SSBP2: variants seen among roughly 807,000 people sequenced by gnomAD.
SSBP2 encodes single stranded DNA binding protein 2.
In SSBP2, 17 loss-of-function variants were observed where a neutral mutation model predicts 61.8. That is an observed-to-expected ratio of 0.28 (90% CI 0.19 to 0.41). The LOEUF is 0.41. Among genes scored for constraint, SSBP2 ranks in the 10% least tolerant of loss-of-function variants. The pLI is 1.00. For synonymous variants in SSBP2, 139 were observed against 141.3 expected (o/e 0.98, Z 0.12); for missense variants, 310 against 458.7 (o/e 0.68, Z 2.96).
At chr5:81,546,561 T>C (rs1580985358) in intron 4 of SSBP2, among the ~76,000 whole-genome samples, 1 of 152,100 alleles carries the variant, frequency 6.6e-6, no homozygotes, top group Admixed American at 6.5e-5. Context: ...AAGGCTTGAG[T>C]TACTCTTACA....
At chr5:81,448,958 T>G (rs1006980682) in intron 10 of SSBP2, 133 bp from the exon 11 acceptor site, 3 of 674,910 alleles carry the variant, frequency 4.4e-6, no homozygotes, top group Non-Finnish European at 7.5e-6. Flanking sequence ...ATAAAAAAAT[T>G]TGTATCTGTT....
intron 1 of SSBP2, among the ~76,000 whole-genome samples, chr5:81,671,665 G>A (rs1195552389): frequency 6.6e-6 from 1 of 151,804 alleles, no homozygotes; most frequent in African/African-American, 2.4e-5. Context: ...CAGCACTTAA[G>A]AAAAAAACAA....
At chr5:81,464,323 A>G (rs970250085) in intron 9 of SSBP2, among the ~76,000 whole-genome samples, 2 of 152,208 alleles carry the variant, frequency 1.3e-5, no homozygotes, top group Admixed American at 6.5e-5. Flanking sequence ...TCCTTTAAAC[A>G]GTAATCTACA....
chr5:81,499,920 C>G (rs1014129166), intron 5 of SSBP2, among the ~76,000 whole-genome samples: 1 of 152,078 alleles, frequency 6.6e-6, no homozygotes, highest in Non-Finnish European at 1.5e-5. Context: ...AAAAGCATAG[C>G]GTTTTGTTCT....
chr5:81,527,559 G>T (rs1770044542), intron 4 of SSBP2, among the ~76,000 whole-genome samples: 1 of 152,008 alleles, frequency 6.6e-6, no homozygotes, highest in African/African-American at 2.4e-5. Context: ...TCTAGAATAT[G>T]TAAAACATTC....
intron 1 of SSBP2, among the ~76,000 whole-genome samples, chr5:81,679,046 G>A (rs1752197996): frequency 6.6e-6 from 1 of 152,142 alleles, no homozygotes; most frequent in Non-Finnish European, 1.5e-5. Context: ...GTCTCACTCT[G>A]TCGCCCAGGC....
intron 4 of SSBP2, among the ~76,000 whole-genome samples, chr5:81,593,140 C>G (rs1331985344): frequency 6.6e-6 from 1 of 152,056 alleles, no homozygotes; most frequent in Admixed American, 6.5e-5. Context: ...GCAGAGAAGT[C>G]CTTAAAGGAC....
At chr5:81,438,660 C>T (rs1580684393) in intron 14 of SSBP2, among the ~76,000 whole-genome samples, 1 of 152,178 alleles carries the variant, frequency 6.6e-6, no homozygotes, top group East Asian at 1.9e-4. Context: ...GAGCCAGTTG[C>T]CAAGCATAGG....
At chr5:81,530,939 C>G (rs1770343112) in intron 4 of SSBP2, among the ~76,000 whole-genome samples, 1 of 152,072 alleles carries the variant, frequency 6.6e-6, no homozygotes, top group African/African-American at 2.4e-5. Flanking sequence ...TAATTTCAGA[C>G]TGCGCATGGT....
chr5:81,509,705 T>C (rs898964166), intron 5 of SSBP2, among the ~76,000 whole-genome samples: 3 of 152,198 alleles, frequency 2.0e-5, no homozygotes, highest in African/African-American at 7.2e-5. Flanking sequence ...GTTGAAATAG[T>C]CTGCCTAGAT....
chr5:81,488,534 C>T (rs1020803851), intron 6 of SSBP2, among the ~76,000 whole-genome samples: 4 of 152,012 alleles, frequency 2.6e-5, no homozygotes, highest in Non-Finnish European at 4.4e-5. Flanking sequence ...CTTTGGAAAA[C>T]ACCAATTCAG....
chr5:81,710,470 T>C (rs1191621172), intron 1 of SSBP2, among the ~76,000 whole-genome samples: 2 of 152,044 alleles, frequency 1.3e-5, no homozygotes, highest in African/African-American at 4.8e-5. Flanking sequence ...TAAGGACCTA[T>C]ACAGTTACAA....
At chr5:81,601,740 C>T (rs1318387390) in intron 4 of SSBP2, among the ~76,000 whole-genome samples, 1 of 152,148 alleles carries the variant, frequency 6.6e-6, no homozygotes, top group African/African-American at 2.4e-5. Context: ...AAAGCATCTT[C>T]CTAATTACAG....
chr5:81,581,778 G>A (rs1414665407), intron 4 of SSBP2, among the ~76,000 whole-genome samples: 1 of 152,016 alleles, frequency 6.6e-6, no homozygotes, highest in African/African-American at 2.4e-5. Flanking sequence ...ATTTAAGCAA[G>A]GATATGCACA....
At chr5:81,549,797 T>C (rs1256314076) in intron 4 of SSBP2, among the ~76,000 whole-genome samples, 2 of 152,230 alleles carry the variant, frequency 1.3e-5, no homozygotes, top group African/African-American at 2.4e-5. Flanking sequence ...GAGGTAAGCA[T>C]AGGCTCTTGA....
chr5:81,574,595 C>A (rs1332403745), intron 4 of SSBP2, among the ~76,000 whole-genome samples: 1 of 151,710 alleles, frequency 6.6e-6, no homozygotes, highest in Non-Finnish European at 1.5e-5. Flanking sequence ...AGAAGCACTA[C>A]AAAACCCAAG....
intron 4 of SSBP2, among the ~76,000 whole-genome samples, chr5:81,567,389 G>A (rs1432638105): frequency 6.6e-6 from 1 of 152,228 alleles, no homozygotes; most frequent in Non-Finnish European, 1.5e-5. Flanking sequence ...CTTCCATGGT[G>A]TTGAGCCTGC....
intron 3 of SSBP2, among the ~76,000 whole-genome samples, chr5:81,623,885 G>A (rs1746879351): frequency 6.6e-6 from 1 of 152,120 alleles, no homozygotes; most frequent in African/African-American, 2.4e-5. Context: ...TAAAACAAGT[G>A]ATTAAAAGAG....
intron 1 of SSBP2, among the ~76,000 whole-genome samples, chr5:81,651,531 A>G (rs953605222): frequency 6.6e-6 from 1 of 152,186 alleles, no homozygotes; most frequent in African/African-American, 2.4e-5. Flanking sequence ...AGTTACTCAT[A>G]GAAAGTAAGT....
Sources: gnomAD v4.1 joint callset for allele counts (sites outside exome capture counted in the v4.1 genomes callset) on GRCh38, gnomAD v4.1.1 for gene constraint, MANE v1.5 for transcripts, NCBI Gene and HGNC (gene_info 2026-07-23, HGNC 2026-07-21) for gene names.